The following NEMP2 variants were observed in gnomAD, a reference collection of about 807,000 sequenced individuals.
The protein encoded by NEMP2 is UPF0571 transmembrane protein.
In NEMP2, 53 loss-of-function variants were observed where a neutral mutation model predicts 54.2. The observed-to-expected ratio is 0.98, with a 90% confidence interval of 0.78 to 1.23. The LOEUF (loss-of-function observed/expected upper bound fraction) is 1.23. NEMP2 is among the 50% of genes most tolerant of loss of function. NEMP2 has a pLI of 0.00. For synonymous variants in NEMP2, 197 were observed against 190.3 expected, an observed-to-expected ratio of 1.04 and a Z score of -0.29; for missense variants, 455 against 511.3, an observed-to-expected ratio of 0.89 and a Z score of 1.06.
At chr2:190,469,728 A>G in the NEMP2 span, 1 of 1,025,748 alleles carries the variant, frequency 9.7e-7, no homozygotes, top group Non-Finnish European at 1.3e-6. This position sits in a 1 kb window ranked among gnomAD's most constrained non-coding sequence, Gnocchi z 5.3. Context: ...GCTTTTTTTT[A>G]TTTTATTTTT....
At chr2:190,461,430 A>G in the NEMP2 span, among the ~76,000 whole-genome samples, 1 of 152,236 alleles carries the variant, frequency 6.6e-6, no homozygotes, top group Non-Finnish European at 1.5e-5. The surrounding 1 kb of genome is among the most constrained non-coding windows in gnomAD (Gnocchi z 5.5). Flanking sequence ...TATTCTGTTC[A>G]TATGTAAGTA....
the NEMP2 span, among the ~76,000 whole-genome samples, chr2:190,480,702 C>A: frequency 1.3e-5 from 2 of 152,196 alleles, no homozygotes; most frequent in African/African-American, 4.8e-5. Context: ...TACCTATAAG[C>A]TCTGTGTCTT....
At chr2:190,592,562 T>A in the NEMP2 span, among the ~76,000 whole-genome samples, 18 of 152,328 alleles carry the variant, frequency 1.2e-4, no homozygotes, top group African/African-American at 3.8e-4. This position sits in a 1 kb window ranked among gnomAD's most constrained non-coding sequence, Gnocchi z 4.4. Context: ...TCTCTTTTTT[T>A]ATCTTCACAA....
At chr2:190,641,416 T>C in the NEMP2 span, 3,521 of 152,350 alleles carry the variant, frequency 0.023, 62 homozygotes, top group Non-Finnish European at 0.036. Flanking sequence ...TCCACCCTCA[T>C]GATGGAGGGT....
the NEMP2 span, among the ~76,000 whole-genome samples, chr2:190,483,196 A>G: frequency 6.6e-6 from 1 of 151,876 alleles, no homozygotes; most frequent in Non-Finnish European, 1.5e-5. Context: ...CCGGCCGACT[A>G]TCATCTTTTA....
the NEMP2 span, among the ~76,000 whole-genome samples, chr2:190,587,268 G>A: frequency 3.3e-5 from 5 of 152,148 alleles, no homozygotes; most frequent in Admixed American, 6.6e-5. The surrounding 1 kb of genome is among the most constrained non-coding windows in gnomAD (Gnocchi z 5.4). Flanking sequence ...AAGGGCAGGC[G>A]TACTTACTGA....
chr2:190,497,030 C>T, the NEMP2 span, among the ~76,000 whole-genome samples: 1 of 152,134 alleles, frequency 6.6e-6, no homozygotes, highest in South Asian at 2.1e-4. The surrounding 1 kb of genome is among the most constrained non-coding windows in gnomAD (Gnocchi z 5.2). Context: ...TAACCAAATA[C>T]CACCTGTTCC....
the NEMP2 span, among the ~76,000 whole-genome samples, chr2:190,558,177 A>G: frequency 6.6e-6 from 1 of 152,228 alleles, no homozygotes; most frequent in South Asian, 2.1e-4. The surrounding 1 kb of genome is among the most constrained non-coding windows in gnomAD (Gnocchi z 4.4). Flanking sequence ...TTGCAGGGAC[A>G]TGGATGACAC....
chr2:190,642,201 C>T, the NEMP2 span, among the ~76,000 whole-genome samples: 2 of 152,230 alleles, frequency 1.3e-5, no homozygotes, highest in East Asian at 1.9e-4. This position sits in a 1 kb window ranked among gnomAD's most constrained non-coding sequence, Gnocchi z 4.1. Context: ...CTAACCATCT[C>T]GGGTTTTTTT....
At chr2:190,617,386 C>A in the NEMP2 span, among the ~76,000 whole-genome samples, 1 of 152,122 alleles carries the variant, frequency 6.6e-6, no homozygotes, top group Non-Finnish European at 1.5e-5. This position sits in a 1 kb window ranked among gnomAD's most constrained non-coding sequence, Gnocchi z 5.0. Flanking sequence ...TTAGGACAAT[C>A]AAAATGGAGG....
chr2:190,429,706 A>G, the NEMP2 span, among the ~76,000 whole-genome samples: 1 of 152,110 alleles, frequency 6.6e-6, no homozygotes, highest in Admixed American at 6.5e-5. Context: ...TTTCCTATCT[A>G]TAAATCTTTA....
downstream of NEMP2, chr2:190,500,504 GC>G (rs536900740): frequency 2.8e-3 from 1,067 of 375,704 alleles, 13 homozygotes; most frequent in African/African-American, 0.02. This position sits in a 1 kb window ranked among gnomAD's most constrained non-coding sequence, Gnocchi z 5.3. Context: ...GAATTTCTCT[GC>G]CAGTGCAGTA....
At chr2:190,589,758 A>C in the NEMP2 span, among the ~76,000 whole-genome samples, 1 of 152,204 alleles carries the variant, frequency 6.6e-6, no homozygotes, top group Non-Finnish European at 1.5e-5. The surrounding 1 kb of genome is among the most constrained non-coding windows in gnomAD (Gnocchi z 4.3). Flanking sequence ...GGCTCTGGCC[A>C]ATGCTATCCT....
At chr2:190,430,442 CA>C in the NEMP2 span, among the ~76,000 whole-genome samples, 5 of 151,382 alleles carry the variant, frequency 3.3e-5, no homozygotes, top group Admixed American at 3.3e-4. Flanking sequence ...ATCTGTTTAA[CA>C]AAGCACATCT....
the NEMP2 span, chr2:190,627,787 G>A: frequency 6.6e-6 from 1 of 152,228 alleles, no homozygotes; most frequent in East Asian, 1.9e-4. This position sits in a 1 kb window ranked among gnomAD's most constrained non-coding sequence, Gnocchi z 4.4. Flanking sequence ...ATATGCTTTA[G>A]GGGCATCTGT....
chr2:190,567,464 A>ACAT, the NEMP2 span, among the ~76,000 whole-genome samples: 15 of 152,170 alleles, frequency 9.9e-5, no homozygotes, highest in African/African-American at 3.6e-4. The surrounding 1 kb of genome is among the most constrained non-coding windows in gnomAD (Gnocchi z 4.0). Flanking sequence ...ACACCAAGGC[A>ACAT]CATCATTGAG....
the NEMP2 span, among the ~76,000 whole-genome samples, chr2:190,621,987 G>A: frequency 2.6e-5 from 4 of 152,230 alleles, no homozygotes; most frequent in East Asian, 1.9e-4. Context: ...TTCACCTGTA[G>A]TCCCAGTTAC....
the NEMP2 span, among the ~76,000 whole-genome samples, chr2:190,600,661 C>T: frequency 2.6e-5 from 4 of 152,114 alleles, no homozygotes; most frequent in African/African-American, 4.8e-5. The surrounding 1 kb of genome is among the most constrained non-coding windows in gnomAD (Gnocchi z 4.9). Flanking sequence ...TCTCTTTGCA[C>T]GTGCCAGCCC....
chr2:190,532,371 A>G (rs1444081878), intron 1 of NEMP2, among the ~76,000 whole-genome samples: 1 of 152,198 alleles, frequency 6.6e-6, no homozygotes, highest in African/African-American at 2.4e-5. Flanking sequence ...TTCAAGTTCA[A>G]ATCTTCACAG....
Sources: gnomAD v4.1 joint callset for allele counts (sites outside exome capture counted in the v4.1 genomes callset) on GRCh38, gnomAD v4.1.1 for gene constraint, Gnocchi (gnomAD v3.1) non-coding constraint, MANE v1.5 for transcripts, NCBI Gene and HGNC (gene_info 2026-07-23, HGNC 2026-07-21) for gene names.